The following BBX variants were observed in gnomAD, a reference collection of about 807,000 sequenced individuals.
The protein encoded by BBX is HMG box transcription factor BBX.
BBX carries 30 observed loss-of-function variants against 100.2 expected under a neutral mutation model. The observed-to-expected ratio is 0.30, with a 90% CI of 0.22 to 0.41. BBX has a LOEUF of 0.41. Ranked by LOEUF, BBX falls within the 10% of genes least tolerant of loss-of-function variation. BBX has a pLI of 1.00. For missense variants in BBX, 1,023 were observed against 1,129.8 expected (o/e 0.91, Z 1.35); for synonymous variants, 376 against 388.1 (o/e 0.97, Z 0.37).
At chr3:107,790,386 C>A (rs751003761) in intron 14 of BBX, among the ~76,000 whole-genome samples, 1 of 152,132 alleles carries the variant, frequency 6.6e-6, no homozygotes, top group Non-Finnish European at 1.5e-5. Flanking sequence ...TCCACCCCCC[C>A]TCGTTTGCCA....
rs764540604 is a variant in BBX at position 107,773,183 on chromosome 3, T to C, written c.1462T>C (p.Tyr488His). 16 of 1,614,062 alleles carry C rather than the reference T, an allele frequency of 9.9e-6. No individual in the cohort carries two copies. Among genetic ancestry groups the C allele is most frequent in the Non-Finnish European group, 1.4e-5 (16 of 1,179,978 alleles). Reference sequence around the variant, plus strand: ...GGAATCTGACATTGAGAGCGTCATATATACCATTGAAGCCGTCGCAAAAGG... The same window carrying C: ...GGAATCTGACATTGAGAGCGTCATACATACCATTGAAGCCGTCGCAAAAGG... ...SSESDIESVI[Y>H]TIEAVAKGDW... Residue 488 changes from tyrosine (Y) to histidine (H), a missense_variant, in exon 11 of 18, where the codon TAT becomes CAT. Coordinates refer to ENST00000325805, the MANE Select transcript of BBX (RefSeq NM_001142568.3). The surrounding 1 kb of genome is among the most constrained non-coding windows in gnomAD (Gnocchi z 4.1).
At chr3:107,648,184 A>G (rs566160365) in intron 3 of BBX, among the ~76,000 whole-genome samples, 5 of 152,280 alleles carry the variant, frequency 3.3e-5, no homozygotes, top group East Asian at 1.9e-4. Flanking sequence ...TAACATGTCA[A>G]ATTGTTTGAC....
chr3:107,599,791 T>C (rs1194879582), intron 2 of BBX, among the ~76,000 whole-genome samples: 1 of 152,190 alleles, frequency 6.6e-6, no homozygotes, highest in Non-Finnish European at 1.5e-5. Context: ...ACTCCTGAAA[T>C]GCTGGTTCAG....
intron 3 of BBX, among the ~76,000 whole-genome samples, chr3:107,655,704 ATT>A (rs1271491849): frequency 7.0e-6 from 1 of 142,746 alleles, no homozygotes; most frequent in Non-Finnish European, 1.6e-5. Context: ...AATTTATTTT[ATT>A]TTTTTTTTTT....
chr3:107,791,147 AAGTT>A, intron 14 of BBX, 89 bp from the exon 15 acceptor site: 1 of 1,019,076 alleles, frequency 9.8e-7, no homozygotes, highest in Non-Finnish European at 1.5e-6. Context: ...GATGTTTCAA[AAGTT>A]AGTTTGTATA....
At position 107,543,949 on chromosome 3, in the gene BBX, C is replaced by T. The variant is rs139641236; in HGVS notation, c.-84+17551C>T. Among the ~76,000 whole-genome samples, 57 of 152,304 alleles carry T rather than the reference C, an allele frequency of 3.7e-4. No individual in the cohort carries two copies. In the East Asian group the frequency reaches 0.01, roughly 28 times the overall value. On this transcript the variant is annotated intron_variant, in intron 2 of 17. Coordinates refer to ENST00000325805, the MANE Select transcript of BBX (RefSeq NM_001142568.3). ...AAGAAACTACTGTAGTGAAATATTGCGACCACATACCTTGTCACTCGGACT... is the reference window on the plus strand; with the variant it reads ...AAGAAACTACTGTAGTGAAATATTGTGACCACATACCTTGTCACTCGGACT...
chr3:107,605,364 C>T (rs1289379588), intron 2 of BBX, among the ~76,000 whole-genome samples: 1 of 118,084 alleles, frequency 8.5e-6, no homozygotes, highest in African/African-American at 3.3e-5. Flanking sequence ...TCCATGGATT[C>T]TTCACTTTCT....
At chr3:107,791,052 A>G (rs866422082) in intron 14 of BBX, among the ~76,000 whole-genome samples, 188 bp from the exon 15 acceptor site, 7 of 152,148 alleles carry the variant, frequency 4.6e-5, no homozygotes, top group South Asian at 2.1e-4. Context: ...TTTTTAATCC[A>G]TTTTCTGTAC....
intron 15 of BBX, among the ~76,000 whole-genome samples, chr3:107,796,250 C>T (rs973680771): frequency 1.1e-4 from 17 of 152,184 alleles, no homozygotes; most frequent in African/African-American, 4.1e-4. Flanking sequence ...CTTTCCCAAC[C>T]GACTTGGCCT....
intron 2 of BBX, among the ~76,000 whole-genome samples, chr3:107,602,390 A>G (rs575694598): frequency 6.6e-6 from 1 of 152,310 alleles, no homozygotes; most frequent in South Asian, 2.1e-4. Context: ...AACCTTCTGG[A>G]AAGATTCACC....
intron 5 of BBX, among the ~76,000 whole-genome samples, chr3:107,721,352 G>A (rs1176673548): frequency 6.6e-6 from 1 of 151,592 alleles, no homozygotes; most frequent in Non-Finnish European, 1.5e-5. Context: ...TTCCATAGTT[G>A]TTTTGTTTTT....
chr3:107,735,563 G>C (rs2063579930), intron 7 of BBX, among the ~76,000 whole-genome samples: 1 of 151,894 alleles, frequency 6.6e-6, no homozygotes, highest in Admixed American at 6.6e-5. Context: ...TAACCATATA[G>C]AAAAAGTCCT....
At chr3:107,543,906 C>A (rs2049030302) in intron 2 of BBX, among the ~76,000 whole-genome samples, 1 of 152,278 alleles carries the variant, frequency 6.6e-6, no homozygotes, top group Admixed American at 6.5e-5. Flanking sequence ...TACTGCGACG[C>A]CTCATGGTGG....
chr3:107,597,768 G>A (rs1044914691), intron 2 of BBX, among the ~76,000 whole-genome samples: 1 of 152,218 alleles, frequency 6.6e-6, no homozygotes, highest in Non-Finnish European at 1.5e-5. Flanking sequence ...CAAAAGAAGA[G>A]TGATTGATTA....
intron 2 of BBX, among the ~76,000 whole-genome samples, chr3:107,612,791 A>C (rs1450447730): frequency 1.3e-5 from 2 of 152,218 alleles, no homozygotes; most frequent in African/African-American, 4.8e-5. Context: ...CACAGTCAGC[A>C]GATAGTCAAG....
chr3:107,591,768 A>G (rs1439437767), intron 2 of BBX, among the ~76,000 whole-genome samples: 2 of 152,206 alleles, frequency 1.3e-5, no homozygotes, highest in Non-Finnish European at 2.9e-5. Flanking sequence ...ATTACAGGAC[A>G]TGAGCTGCCC....
chr3:107,658,287 C>T (rs186611596), intron 3 of BBX, among the ~76,000 whole-genome samples: 2 of 152,102 alleles, frequency 1.3e-5, no homozygotes, highest in East Asian at 3.9e-4. Context: ...AATATGTTAC[C>T]TTAGACTATT....
intron 2 of BBX, among the ~76,000 whole-genome samples, chr3:107,631,202 C>T (rs1165037651): frequency 6.6e-6 from 1 of 152,226 alleles, no homozygotes; most frequent in Non-Finnish European, 1.5e-5. Flanking sequence ...ACCACCTTGT[C>T]ACTCTGCCCA....
At chr3:107,582,303 A>G (rs368529588) in intron 2 of BBX, among the ~76,000 whole-genome samples, 20 of 150,790 alleles carry the variant, frequency 1.3e-4, no homozygotes, top group Admixed American at 4.0e-4. Flanking sequence ...TTTTTTTTTT[A>G]AACACATTTT....
Sources: gnomAD v4.1 joint callset for allele counts (sites outside exome capture counted in the v4.1 genomes callset) on GRCh38, gnomAD v4.1.1 for gene constraint, Gnocchi (gnomAD v3.1) non-coding constraint, MANE v1.5 for transcripts, NCBI Gene and HGNC (gene_info 2026-07-23, HGNC 2026-07-21) for gene names.